The following MEGF6 variants were observed in gnomAD, a reference collection of about 807,000 sequenced individuals.
MEGF6 encodes multiple epidermal growth factor-like domains protein 6.
A neutral mutation model predicts 207.1 loss-of-function variants in MEGF6; 184 were observed. The observed-to-expected ratio is 0.89, with a 90% CI of 0.79 to 1.00. MEGF6 has a LOEUF of 1.00. Ranked by LOEUF, MEGF6 falls within the 50% of genes least tolerant of loss-of-function variation. The pLI is 0.00. For missense variants in MEGF6, 2,282 were observed against 2,202.9 expected (o/e 1.04, Z -0.72); for synonymous variants, 1,038 against 910.0 (o/e 1.14, Z -2.53).
At chr1:3,574,815 G>A (rs1201822661) in intron 4 of MEGF6, among the ~76,000 whole-genome samples, 2 of 152,098 alleles carry the variant, frequency 1.3e-5, no homozygotes, top group Non-Finnish European at 1.5e-5. Flanking sequence ...GCTAATTTTT[G>A]TATTTTTGGT....
Position 3,489,584 on chromosome 1 carries a change from C to G in MEGF6, c.*944G>C, listed in dbSNP as rs772397862. The stretch of plus-strand genomic sequence containing the variant: ...CTGCCCCTGCGATGCTGCCCTCCCC[C>G]CACTGCTGATGCTCAGGTAGGGGTG... On this transcript the variant is annotated 3_prime_UTR_variant, in exon 37 of 37. Coordinates refer to ENST00000356575, the MANE Select transcript of MEGF6 (RefSeq NM_001409.4). 9.9e-5 allele frequency among the ~76,000 whole-genome samples: 15 copies of G among 152,198 alleles called. No homozygotes were observed. Among genetic ancestry groups the G allele is most frequent in the Admixed American group, 3.3e-4 (5 of 15,282 alleles).
Position 3,556,697 on chromosome 1 carries a change from G to A in MEGF6, c.481+23128C>T, listed in dbSNP as rs557284397. On this transcript the variant is annotated intron_variant, in intron 4 of 36. Transcript: ENST00000356575. This position sits in a 1 kb window ranked among gnomAD's most constrained non-coding sequence, Gnocchi z 4.4. ...GCTTAAGAGCTCCATTGTGGACAAG[G>A]GGTGGCACGTACGTTATCCTTCAAA... is the stretch of plus-strand genomic sequence containing the variant. 6.6e-6 allele frequency among the ~76,000 whole-genome samples: 1 copy of A among 152,310 alleles called. No individual in the cohort carries two copies. The highest frequency in any genetic ancestry group is 1.9e-4 in the East Asian group (1 of 5,178).
intron 4 of MEGF6, among the ~76,000 whole-genome samples, chr1:3,557,065 G>A (rs1421497584): frequency 1.3e-5 from 2 of 152,270 alleles, no homozygotes; most frequent in East Asian, 1.9e-4. Context: ...CAGGAGAGAC[G>A]GGCGCTGCTG....
rs546695112 is a variant in MEGF6 at position 3,606,509 on chromosome 1, T to C, written c.132-3909A>G. ...TGCCTCAGTTTCCTCACCTGTAAAA[T>C]GAGGACTCACAGCAGTGACCTTGCC... On this transcript the variant is annotated intron_variant, in intron 1 of 36. Coordinates refer to ENST00000356575, the MANE Select transcript of MEGF6 (RefSeq NM_001409.4). 6.8e-4 allele frequency among the ~76,000 whole-genome samples: 103 copies of C among 152,210 alleles called. 3 individuals carry two copies. Among genetic ancestry groups the C allele is most frequent in the African/African-American group, 2.4e-3 (99 of 41,524 alleles).
At chr1:3,551,826 C>T (rs1642894538) in intron 4 of MEGF6, among the ~76,000 whole-genome samples, 1 of 152,180 alleles carries the variant, frequency 6.6e-6, no homozygotes. Flanking sequence ...ATCACCCTGC[C>T]CGAGGCCACC....
At chr1:3,498,307 T>G (rs1384888234) in intron 26 of MEGF6, 64 bp downstream of exon 26, 25 of 1,542,336 alleles carry the variant, frequency 1.6e-5, no homozygotes, top group Non-Finnish European at 2.1e-5. Context: ...AGCCCTGCAG[T>G]AAGGCTGATG....
At chr1:3,555,473 G>A (rs1403388414) in intron 4 of MEGF6, among the ~76,000 whole-genome samples, 1 of 152,234 alleles carries the variant, frequency 6.6e-6, no homozygotes, top group African/African-American at 2.4e-5. Context: ...GGGGCAAGGC[G>A]ACTCCTGTAA....
At chr1:3,579,711 T>C in intron 4 of MEGF6, 114 bp downstream of exon 4, 2 of 648,226 alleles carry the variant, frequency 3.1e-6, no homozygotes, top group Non-Finnish European at 4.9e-6. Context: ...GCCCGTTCAC[T>C]CGGGGTGTCC....
chr1:3,619,659 G>A, the MEGF6 span, among the ~76,000 whole-genome samples: 2 of 150,058 alleles, frequency 1.3e-5, no homozygotes, highest in Non-Finnish European at 3.0e-5. Context: ...CGCCATGACT[G>A]TAAGTTTCCT....
In MEGF6 at chr1:3,489,219, G is replaced by A. The variant is rs532362245; in HGVS notation, c.*1309C>T. Reference sequence around the variant, plus strand: ...CCATTCATCAGCTTCCTCTGTGACAGCTCCCTTGCTGTCTGTGAGCAACCA... The same window carrying A: ...CCATTCATCAGCTTCCTCTGTGACAACTCCCTTGCTGTCTGTGAGCAACCA... On this transcript the variant is annotated 3_prime_UTR_variant, in exon 37 of 37. Transcript: ENST00000356575. Among the ~76,000 whole-genome samples the A allele has an allele frequency of 6.6e-6, 1 of 152,330 alleles. No individual in the cohort carries two copies. Among genetic ancestry groups the A allele is most frequent in the Admixed American group, 6.5e-5 (1 of 15,308 alleles).
intron 5 of MEGF6, among the ~76,000 whole-genome samples, chr1:3,521,817 G>C (rs555849292): frequency 6.6e-6 from 1 of 152,316 alleles, no homozygotes; most frequent in East Asian, 1.9e-4. Flanking sequence ...AGGCCACCAT[G>C]GGCAAGGGAC....
At chr1:3,613,123 A>G (rs141580974), upstream of MEGF6, among the ~76,000 whole-genome samples, 29 of 152,306 alleles carry the variant, frequency 1.9e-4, no homozygotes, top group African/African-American at 6.5e-4. Flanking sequence ...AACCCCAGCT[A>G]CCAGTTGGTG....
chr1:3,503,804 G>A (rs1436958094), intron 17 of MEGF6, among the ~76,000 whole-genome samples: 2 of 152,082 alleles, frequency 1.3e-5, no homozygotes, highest in Non-Finnish European at 2.9e-5. Flanking sequence ...GTCAGGAGGA[G>A]CTGAGTCCCA....
chr1:3,602,656 A>T, intron 1 of MEGF6, 56 bp from the exon 2 acceptor site: 1 of 1,549,204 alleles, frequency 6.5e-7, no homozygotes, highest in Non-Finnish European at 8.7e-7. Flanking sequence ...GGCAACACCC[A>T]CCCCTCCTGC....
chr1:3,601,922 C>T (rs559538594), intron 2 of MEGF6, among the ~76,000 whole-genome samples: 2 of 152,370 alleles, frequency 1.3e-5, no homozygotes, highest in East Asian at 3.9e-4. Flanking sequence ...GCCTTCCCTC[C>T]CACAGACACA....
intron 26 of MEGF6, chr1:3,497,735 C>T (rs1176429060): frequency 2.6e-6 from 1 of 391,306 alleles, no homozygotes; most frequent in Non-Finnish European, 4.8e-6. Flanking sequence ...CGACGGGAGC[C>T]AGCGACAGCC....
At chr1:3,566,512 C>T (rs985920273) in intron 4 of MEGF6, among the ~76,000 whole-genome samples, 1 of 152,220 alleles carries the variant, frequency 6.6e-6, no homozygotes, top group Middle Eastern at 3.2e-3. Context: ...CTCTGGAAGA[C>T]CTGGGTGTTC....
At chr1:3,543,598 G>T (rs373295195) in intron 4 of MEGF6, among the ~76,000 whole-genome samples, 2 of 152,204 alleles carry the variant, frequency 1.3e-5, no homozygotes, top group South Asian at 4.1e-4. Context: ...GGCCAGGGAC[G>T]GGGCAGGAGA....
chr1:3,537,878 G>A lies in MEGF6; in HGVS notation c.482-13632C>T, dbSNP rs1483842146. 2.0e-5 allele frequency among the ~76,000 whole-genome samples: 3 copies of A among 152,186 alleles called. No individual in the cohort carries two copies. The South Asian group carries it at 6.2e-4, about 31-fold the overall frequency. On this transcript the variant is annotated intron_variant, in intron 4 of 36. Transcript: ENST00000356575. ...CCATCCCAGCTAATGCAGGGAGAGG[G>A]TGGAGATGGGTGGCCTGGGAGGGGC...
Sources: allele counts gnomAD v4.1 joint callset (sites outside exome capture counted in the v4.1 genomes callset), GRCh38; gene constraint gnomAD v4.1.1; non-coding constraint Gnocchi (gnomAD v3.1); transcripts MANE v1.5; gene names NCBI Gene and HGNC (gene_info 2026-07-23, HGNC 2026-07-21).